The following HECW1 variants were observed in gnomAD, a reference collection of about 807,000 sequenced individuals.
HECW1 encodes the protein E3 ubiquitin-protein ligase HECW1.
HECW1 carries 61 observed loss-of-function variants against 182.3 expected under a neutral mutation model. The ratio of observed to expected loss-of-function variants is 0.33; its 90% CI spans 0.27 to 0.41. The LOEUF (loss-of-function observed/expected upper bound fraction) is 0.41, where lower values mean the gene tolerates loss of function less well. Ranked by LOEUF, HECW1 falls within the 10% of genes least tolerant of loss-of-function variation. The probability of loss-of-function intolerance (pLI) is 1.00; values close to 1 mark genes in which losing one functional copy is unlikely to be tolerated. For missense variants in HECW1, 1,739 were observed against 2,108.9 expected (o/e 0.82, Z 3.44); for synonymous variants, 859 against 832.6 (o/e 1.03, Z -0.55).
chr7:43,373,320 C>T (rs1220680339), intron 6 of HECW1, among the ~76,000 whole-genome samples: 1 of 150,726 alleles, frequency 6.6e-6, no homozygotes, highest in Non-Finnish European at 1.5e-5. Context: ...AGTGATTCTC[C>T]TACCTGAATT....
intron 8 of HECW1, 62 bp downstream of exon 8, chr7:43,407,793 G>A: frequency 7.0e-7 from 1 of 1,430,444 alleles, no homozygotes; most frequent in Non-Finnish European, 9.6e-7. Flanking sequence ...CTGTGAACCA[G>A]CCCTCCTCCT....
intron 3 of HECW1, among the ~76,000 whole-genome samples, chr7:43,309,254 G>C (rs1247272561): frequency 6.6e-6 from 1 of 152,206 alleles, no homozygotes; most frequent in Non-Finnish European, 1.5e-5. Flanking sequence ...TGCAGATCCT[G>C]CCTGCAAGTA....
intron 2 of HECW1, among the ~76,000 whole-genome samples, chr7:43,210,874 AAGCTCAGGTCC>A (rs751942929): frequency 3.9e-5 from 6 of 152,206 alleles, no homozygotes; most frequent in Non-Finnish European, 8.8e-5. Context: ...CGGCGAGCGA[AAGCTCAGGTCC>A]AGCCGTGACA....
intron 3 of HECW1, among the ~76,000 whole-genome samples, chr7:43,306,741 T>C (rs1807616791): frequency 6.6e-6 from 1 of 152,160 alleles, no homozygotes; most frequent in Admixed American, 6.5e-5. Flanking sequence ...ATGACTTAGT[T>C]AGATAAAAAC....
intron 3 of HECW1, among the ~76,000 whole-genome samples, chr7:43,292,814 T>C (rs1359282955): frequency 2.0e-5 from 3 of 152,186 alleles, no homozygotes; most frequent in Admixed American, 2.0e-4. Context: ...AAAATCTGGA[T>C]ATGTCACTAG....
At chr7:43,537,180 C>G (rs929648555) in intron 24 of HECW1, among the ~76,000 whole-genome samples, 25 of 152,312 alleles carry the variant, frequency 1.6e-4, no homozygotes, top group African/African-American at 5.5e-4. Context: ...CACACACAGG[C>G]TCTCGAACGG....
At chr7:43,343,712 T>C (rs1380338368) in intron 5 of HECW1, among the ~76,000 whole-genome samples, 1 of 151,914 alleles carries the variant, frequency 6.6e-6, no homozygotes, top group Non-Finnish European at 1.5e-5. Flanking sequence ...TTGTGAATAG[T>C]GCCGCAATAA....
At chr7:43,317,331 C>T (rs547795016) in intron 4 of HECW1, among the ~76,000 whole-genome samples, 1 of 152,224 alleles carries the variant, frequency 6.6e-6, no homozygotes, top group South Asian at 2.1e-4. Context: ...ACAGCAGCCT[C>T]CTGCCCTCCA....
At chr7:43,230,061 G>A (rs1797752809) in intron 2 of HECW1, among the ~76,000 whole-genome samples, 1 of 152,164 alleles carries the variant, frequency 6.6e-6, no homozygotes, top group African/African-American at 2.4e-5. Flanking sequence ...AATTTAAAGT[G>A]GGCAGTATTG....
chr7:43,140,277 G>T (rs983857065), intron 2 of HECW1, among the ~76,000 whole-genome samples: 3 of 152,146 alleles, frequency 2.0e-5, no homozygotes, highest in African/African-American at 7.2e-5. Flanking sequence ...ACATGAAGCA[G>T]GGATGAAGGG....
At chr7:43,387,029 G>A (rs577262489) in intron 6 of HECW1, among the ~76,000 whole-genome samples, 31 of 152,132 alleles carry the variant, frequency 2.0e-4, no homozygotes, top group Non-Finnish European at 4.1e-4. Context: ...GTCTGGATGG[G>A]CAGAAACATG....
chr7:43,458,421 GA>G (rs2077474106), intron 13 of HECW1, among the ~76,000 whole-genome samples: 1 of 152,162 alleles, frequency 6.6e-6, no homozygotes. Flanking sequence ...AATCCATCCT[GA>G]ACCAGGTCTC....
At chr7:43,511,681 C>A (rs1228742521) in intron 24 of HECW1, 1 of 156,690 alleles carries the variant, frequency 6.4e-6, no homozygotes, top group African/African-American at 2.4e-5. Context: ...TTAACAAAAC[C>A]ATGATGCTGC....
chr7:43,245,196 C>T (rs1562726138), intron 3 of HECW1, among the ~76,000 whole-genome samples: 1 of 152,202 alleles, frequency 6.6e-6, no homozygotes, highest in Non-Finnish European at 1.5e-5. Context: ...GGTGTGCGCT[C>T]AGGAGCCACT....
chr7:43,294,927 G>A (rs1805849886), intron 3 of HECW1, among the ~76,000 whole-genome samples: 1 of 152,148 alleles, frequency 6.6e-6, no homozygotes, highest in South Asian at 2.1e-4. Flanking sequence ...CAATCTATAT[G>A]TGTAAGATGT....
intron 2 of HECW1, among the ~76,000 whole-genome samples, chr7:43,143,315 G>T (rs1028862518): frequency 2.0e-5 from 3 of 151,892 alleles, no homozygotes; most frequent in African/African-American, 7.3e-5. Flanking sequence ...ACAAGGTCTC[G>T]CTCTGTCAAT....
intron 6 of HECW1, among the ~76,000 whole-genome samples, chr7:43,394,848 C>T (rs2075170736): frequency 1.3e-5 from 2 of 152,192 alleles, no homozygotes; most frequent in Admixed American, 1.3e-4. Context: ...TACTCAAATC[C>T]ATCTCCCGGA....
At chr7:43,545,381 A>G (rs55824258) in intron 26 of HECW1, among the ~76,000 whole-genome samples, 1 of 152,366 alleles carries the variant, frequency 6.6e-6, no homozygotes, top group Non-Finnish European at 1.5e-5. Flanking sequence ...CCTCTAGTGT[A>G]AAGTGTAGGA....
intron 3 of HECW1, among the ~76,000 whole-genome samples, chr7:43,285,088 C>A (rs1804456249): frequency 6.6e-6 from 1 of 151,634 alleles, no homozygotes; most frequent in East Asian, 1.9e-4. Context: ...AAAAATGGAC[C>A]AGCTCTTTTT....
Sources: allele counts gnomAD v4.1 joint callset (sites outside exome capture counted in the v4.1 genomes callset), GRCh38; gene constraint gnomAD v4.1.1; transcripts MANE v1.5; gene names NCBI Gene and HGNC (gene_info 2026-07-23, HGNC 2026-07-21).